The following ATP10A variants were observed in gnomAD, a reference collection of about 807,000 sequenced individuals.
The protein encoded by ATP10A is ATPase phospholipid transporting 10A (putative).
In ATP10A, 111 loss-of-function variants were observed where a neutral mutation model predicts 147.8. The observed-to-expected ratio is 0.75, with a 90% CI of 0.64 to 0.88. The LOEUF (loss-of-function observed/expected upper bound fraction) is 0.88. Among genes scored for constraint, ATP10A ranks in the 40% least tolerant of loss-of-function variants. ATP10A has a pLI of 0.00. For missense variants in ATP10A, 1,927 were observed against 1,959.0 expected, an observed-to-expected ratio of 0.98 and a Z score of 0.31; for synonymous variants, 875 against 841.6, an observed-to-expected ratio of 1.04 and a Z score of -0.69.
At chr15:25,711,544 G>T (rs1901420911) in intron 10 of ATP10A, among the ~76,000 whole-genome samples, 1 of 152,072 alleles carries the variant, frequency 6.6e-6, no homozygotes, top group Admixed American at 6.5e-5. Context: ...ACCTTAACCT[G>T]CCCAGTGTTG....
chr15:25,828,389 G>C (rs1892208410), intron 1 of ATP10A, among the ~76,000 whole-genome samples: 1 of 152,188 alleles, frequency 6.6e-6, no homozygotes, highest in Non-Finnish European at 1.5e-5. Context: ...CAGACCATAA[G>C]CTAAGCCATA....
intron 1 of ATP10A, among the ~76,000 whole-genome samples, chr15:25,786,471 G>C (rs1263994854): frequency 6.6e-6 from 1 of 151,582 alleles, no homozygotes; most frequent in Non-Finnish European, 1.5e-5. Context: ...AGACCATGTA[G>C]TCTTTTGAAC....
At position 25,702,079 on chromosome 15, in the gene ATP10A, C is replaced by T. The variant is rs748011943; in HGVS notation, c.2597G>A (p.Arg866His). 1.2e-5 allele frequency: 19 copies of T among 1,612,520 alleles called. No homozygotes were observed. The highest frequency in any genetic ancestry group is 1.2e-4 in the Admixed American group (7 of 59,802). The part of the protein sequence containing the change: ...HLLGATGIED[R>H]LQDGVPETIS... Reference sequence around the variant, plus strand: ...AGTTTCAGGGACTCCGTCCTGCAGGCGGTCTTCAATCCCAGTGGCACCTGG... The same window carrying T: ...AGTTTCAGGGACTCCGTCCTGCAGGTGGTCTTCAATCCCAGTGGCACCTGG... Residue 866 changes from arginine (R) to histidine (H), a missense_variant, in exon 13 of 21, where the codon CGC becomes CAC. Transcript: ENST00000555815.
rs1899769691 is a variant in ATP10A at position 25,687,683 on chromosome 15, G to A, written c.3291+20C>T. On this transcript the variant is annotated intron_variant, in intron 16 of 20. Coordinates refer to ENST00000555815, the MANE Select transcript of ATP10A (RefSeq NM_024490.4). The stretch of plus-strand genomic sequence containing the variant: ...CGAACCTTCCAATCCCAAAACTCTA[G>A]ACAGGTATCCAATACCTACTGTGTT... The A allele has an allele frequency of 5.9e-6, 9 of 1,515,382 alleles. No homozygotes were observed. Among genetic ancestry groups the A allele is most frequent in the Admixed American group, 1.9e-5 (1 of 52,144 alleles). The allele number at this position is 1,515,382 out of a possible 1,614,324, so 93.9% of individuals were successfully genotyped here. A position where few individuals can be genotyped will look rare whatever the true frequency, so the allele number is the denominator to read the frequency against.
At chr15:25,776,708 C>T (rs943110679) in intron 2 of ATP10A, among the ~76,000 whole-genome samples, 1 of 152,224 alleles carries the variant, frequency 6.6e-6, no homozygotes, top group Admixed American at 6.5e-5. Flanking sequence ...TAGGCCTCGC[C>T]TTCAGATTCT....
chr15:25,810,311 C>T (rs949005965), intron 1 of ATP10A, among the ~76,000 whole-genome samples: 11 of 152,180 alleles, frequency 7.2e-5, no homozygotes, highest in African/African-American at 2.4e-4. Context: ...GGGCAGAGCC[C>T]ACAGGGAGGA....
intron 2 of ATP10A, among the ~76,000 whole-genome samples, chr15:25,779,578 G>A (rs1396599060): frequency 2.7e-5 from 4 of 149,144 alleles, no homozygotes; most frequent in African/African-American, 9.8e-5. Flanking sequence ...GGTGGGGGGT[G>A]GGCACGAGGG....
chr15:25,811,291 AGAGGAAAGAG>A (rs1891419625), intron 1 of ATP10A, among the ~76,000 whole-genome samples: 1 of 152,150 alleles, frequency 6.6e-6, no homozygotes, highest in African/African-American at 2.4e-5. Context: ...GGAGTGAGTG[AGAGGAAAGAG>A]GAGGACAGAG....
chr15:25,680,381 G>A, intron 19 of ATP10A, 73 bp from the exon 20 acceptor site: 1 of 1,488,254 alleles, frequency 6.7e-7, no homozygotes, highest in East Asian at 2.3e-5. Flanking sequence ...ACAAAAACGT[G>A]CCAGTCATCA....
intron 1 of ATP10A, among the ~76,000 whole-genome samples, chr15:25,798,128 A>G (rs1890768519): frequency 6.6e-6 from 1 of 152,058 alleles, no homozygotes; most frequent in Non-Finnish European, 1.5e-5. Context: ...CCATCACTGG[A>G]GTTAAGGAGC....
At chr15:25,804,574 G>A (rs1891097798) in intron 1 of ATP10A, among the ~76,000 whole-genome samples, 1 of 152,092 alleles carries the variant, frequency 6.6e-6, no homozygotes, top group Admixed American at 6.5e-5. Context: ...AGGCAGTGGA[G>A]TAGAGTGGAA....
intron 2 of ATP10A, among the ~76,000 whole-genome samples, chr15:25,741,133 G>T (rs1180615509): frequency 6.6e-6 from 1 of 152,210 alleles, no homozygotes; most frequent in African/African-American, 2.4e-5. Context: ...TGCTTCCTGG[G>T]TGTGGCTGGA....
chr15:25,756,502 G>A (rs534538459), intron 2 of ATP10A, among the ~76,000 whole-genome samples: 34 of 152,244 alleles, frequency 2.2e-4, no homozygotes, highest in African/African-American at 7.0e-4. Flanking sequence ...AATTAGCTGG[G>A]TGTGGTGGCG....
At chr15:25,715,822 G>A (rs1317635893) in intron 9 of ATP10A, among the ~76,000 whole-genome samples, 2 of 152,208 alleles carry the variant, frequency 1.3e-5, no homozygotes, top group Non-Finnish European at 2.9e-5. Flanking sequence ...AGACCCAGGA[G>A]GCTGGGAAGG....
At chr15:25,808,311 T>A (rs76995116) in intron 1 of ATP10A, among the ~76,000 whole-genome samples, 3 of 152,198 alleles carry the variant, frequency 2.0e-5, no homozygotes, top group Non-Finnish European at 2.9e-5. Flanking sequence ...AAGGAAGGAT[T>A]ACCTCAACAC....
intron 17 of ATP10A, 30 bp from the exon 18 acceptor site, chr15:25,681,104 C>T: frequency 1.3e-6 from 2 of 1,599,512 alleles, no homozygotes; most frequent in Non-Finnish European, 1.7e-6. Flanking sequence ...AGTGATGTTA[C>T]AGTGAAGCAT....
At chr15:25,740,470 G>T (rs1887528275) in intron 2 of ATP10A, among the ~76,000 whole-genome samples, 1 of 152,190 alleles carries the variant, frequency 6.6e-6, no homozygotes, top group African/African-American at 2.4e-5. Flanking sequence ...CAGAGAGCAG[G>T]GGCCAGCACC....
At position 25,757,023 on chromosome 15, in the gene ATP10A, A is replaced by C. The variant is rs556874424; in HGVS notation, c.655-20882T>G. ...AAACGGCCATAAACATTTATAAATG[A>C]ATTCTTCATAGTTCAAAAAATCTTT... is the stretch of plus-strand genomic sequence containing the variant. On this transcript the variant is annotated intron_variant, in intron 2 of 20. Transcript: ENST00000555815. 1.6e-3 allele frequency among the ~76,000 whole-genome samples: 239 copies of C among 152,352 alleles called. 3 individuals are homozygous for C. The highest frequency in any genetic ancestry group is 5.3e-4 in the Non-Finnish European group (36 of 68,042).
intron 1 of ATP10A, among the ~76,000 whole-genome samples, chr15:25,782,717 T>G (rs1889981243): frequency 6.6e-6 from 1 of 152,198 alleles, no homozygotes; most frequent in African/African-American, 2.4e-5. Flanking sequence ...TTAATTCTTT[T>G]TCCTGGAATA....
Sources: gnomAD v4.1 joint callset for allele counts (sites outside exome capture counted in the v4.1 genomes callset) on GRCh38, gnomAD v4.1.1 for gene constraint, MANE v1.5 for transcripts, NCBI Gene and HGNC (gene_info 2026-07-23, HGNC 2026-07-21) for gene names.